The following ASTN2 variants were observed in gnomAD, a reference collection of about 807,000 sequenced individuals.
ASTN2 encodes the protein astrotactin-2.
ASTN2 carries 54 observed loss-of-function variants against 139.8 expected under a neutral mutation model. The ratio of observed to expected loss-of-function variants is 0.39; its 90% CI spans 0.31 to 0.48. The LOEUF is 0.48. Among genes scored for constraint, ASTN2 ranks in the 20% least tolerant of loss-of-function variants. The pLI is 0.95. For missense variants in ASTN2, 1,565 were observed against 1,725.1 expected (o/e 0.91, Z 1.64); for synonymous variants, 756 against 719.5 (o/e 1.05, Z -0.81).
intron 16 of ASTN2, among the ~76,000 whole-genome samples, chr9:116,718,550 T>C (rs1032831522): frequency 6.6e-6 from 1 of 152,194 alleles, no homozygotes; most frequent in African/African-American, 2.4e-5. Flanking sequence ...TGGTTATGTA[T>C]GTGAGGATGA....
chr9:117,308,993 A>G (rs1005488900), intron 1 of ASTN2, among the ~76,000 whole-genome samples: 6 of 152,216 alleles, frequency 3.9e-5, no homozygotes, highest in Non-Finnish European at 7.3e-5. Context: ...AGCTTTTACC[A>G]CTATGGGCAT....
At chr9:117,410,369 CTTTCT>C (rs1393415064) in intron 1 of ASTN2, among the ~76,000 whole-genome samples, 1 of 152,092 alleles carries the variant, frequency 6.6e-6, no homozygotes, top group Non-Finnish European at 1.5e-5. Context: ...TGCTCAAATT[CTTTCT>C]TTTCTATCAG....
At chr9:117,035,270 T>G (rs953440542) in intron 6 of ASTN2, among the ~76,000 whole-genome samples, 1 of 152,120 alleles carries the variant, frequency 6.6e-6, no homozygotes, top group African/African-American at 2.4e-5. Context: ...TTTTTCTTGT[T>G]TTTTAAAACT....
At chr9:117,250,458 C>T (rs976925945) in intron 2 of ASTN2, among the ~76,000 whole-genome samples, 1 of 152,176 alleles carries the variant, frequency 6.6e-6, no homozygotes, top group Non-Finnish European at 1.5e-5. Context: ...CAGTTAATCC[C>T]TAAAACCTAT....
At chr9:117,023,650 G>A (rs1837961181) in intron 6 of ASTN2, among the ~76,000 whole-genome samples, 1 of 152,020 alleles carries the variant, frequency 6.6e-6, no homozygotes, top group Non-Finnish European at 1.5e-5. Context: ...CATCTTGACT[G>A]CCCCATGACA....
chr9:116,691,450 C>T (rs1209303500), intron 16 of ASTN2, among the ~76,000 whole-genome samples: 4 of 152,180 alleles, frequency 2.6e-5, no homozygotes, highest in Non-Finnish European at 5.9e-5. Context: ...AAGACAGAGA[C>T]AACAGGCAAG....
At chr9:116,941,139 C>T (rs887235806) in intron 10 of ASTN2, among the ~76,000 whole-genome samples, 3 of 151,292 alleles carry the variant, frequency 2.0e-5, no homozygotes, top group Non-Finnish European at 2.9e-5. Context: ...AAATCCCTTT[C>T]GCTGAGTGAC....
chr9:116,425,579 T>A lies in ASTN2; in HGVS notation c.*272A>T. The A allele has an allele frequency of 1.2e-6, 2 of 1,613,430 alleles. No homozygotes were observed. The highest frequency in any genetic ancestry group is 1.7e-6 in the Non-Finnish European group (2 of 1,179,836). On this transcript the variant is annotated 3_prime_UTR_variant, in exon 23 of 23. Transcript: ENST00000313400. ...CTGCCTCGGGATTGACAGCCATCCA[T>A]AAGAAAAGGTTTAAAAAGGAGAGAC...
At chr9:116,427,604 T>C in intron 22 of ASTN2, among the ~76,000 whole-genome samples, 1 of 152,096 alleles carries the variant, frequency 6.6e-6, no homozygotes, top group East Asian at 1.9e-4. Flanking sequence ...AGGGAAGGAG[T>C]TTTACAACAA....
At chr9:117,247,721 C>T (rs974489058) in intron 2 of ASTN2, among the ~76,000 whole-genome samples, 1 of 152,340 alleles carries the variant, frequency 6.6e-6, no homozygotes, top group South Asian at 2.1e-4. Context: ...TGAGATCTGG[C>T]TCTGCTTCCC....
At chr9:116,948,305 T>C (rs1044590119) in intron 10 of ASTN2, among the ~76,000 whole-genome samples, 13 of 152,226 alleles carry the variant, frequency 8.5e-5, no homozygotes, top group African/African-American at 3.1e-4. Flanking sequence ...TATTCATTTA[T>C]TAGTGCATAT....
In ASTN2 at chr9:116,601,070, T is replaced by C. The variant is rs148608935; in HGVS notation, c.3355+17254A>G. ...AACCAAAATATATTGAGAATTGTAA[T>C]AAGTGCTACCAAGCTAGGAATAGTA... is the stretch of plus-strand genomic sequence containing the variant. On this transcript the variant is annotated intron_variant, in intron 19 of 22. Transcript: ENST00000313400. Among the ~76,000 whole-genome samples the C allele has an allele frequency of 4.5e-3, 687 of 152,320 alleles. 1 individual carries two copies. The highest frequency in any genetic ancestry group is 6.5e-3 in the Non-Finnish European group (445 of 68,034).
intron 3 of ASTN2, among the ~76,000 whole-genome samples, chr9:117,206,481 C>T (rs1331770420): frequency 3.3e-5 from 5 of 152,162 alleles, no homozygotes; most frequent in African/African-American, 9.7e-5. Context: ...GTACTTCTCA[C>T]TTCCACCCAC....
At chr9:116,913,510 G>A (rs1834369155) in intron 10 of ASTN2, among the ~76,000 whole-genome samples, 1 of 152,202 alleles carries the variant, frequency 6.6e-6, no homozygotes, top group Non-Finnish European at 1.5e-5. Flanking sequence ...GTACCCCTGG[G>A]TTTGAGGGAA....
chr9:117,018,127 C>T (rs2132609589), intron 6 of ASTN2, among the ~76,000 whole-genome samples: 1 of 152,128 alleles, frequency 6.6e-6, no homozygotes, highest in African/African-American at 2.4e-5. Context: ...AGTGAGGAAC[C>T]ACTGTGGGGT....
intron 11 of ASTN2, among the ~76,000 whole-genome samples, chr9:116,851,225 A>C (rs1215873926): frequency 6.6e-6 from 1 of 152,168 alleles, no homozygotes; most frequent in Admixed American, 6.5e-5. Context: ...TAAGTGGGAA[A>C]ACTGTAAAAA....
chr9:116,898,909 T>C (rs149772756), intron 10 of ASTN2, among the ~76,000 whole-genome samples: 316 of 152,206 alleles, frequency 2.1e-3, no homozygotes, highest in African/African-American at 7.1e-3. Context: ...TGGGCTCAAG[T>C]GATCCTCTTT....
intron 16 of ASTN2, among the ~76,000 whole-genome samples, chr9:116,672,497 GAAGA>G (rs953638221): frequency 6.6e-5 from 10 of 152,158 alleles, no homozygotes; most frequent in Admixed American, 2.6e-4. Flanking sequence ...GCCAATGAGA[GAAGA>G]AAATGAGACT....
chr9:117,386,217 T>G (rs1830396530), intron 1 of ASTN2, among the ~76,000 whole-genome samples: 1 of 152,170 alleles, frequency 6.6e-6, no homozygotes, highest in African/African-American at 2.4e-5. Context: ...GGCTTTCACA[T>G]AGAGTTTCAT....
Sources: gnomAD v4.1 joint callset for allele counts (sites outside exome capture counted in the v4.1 genomes callset) on GRCh38, gnomAD v4.1.1 for gene constraint, MANE v1.5 for transcripts, NCBI Gene and HGNC (gene_info 2026-07-23, HGNC 2026-07-21) for gene names.